The following VPS13B variants were observed in gnomAD, a reference collection of about 807,000 sequenced individuals.
VPS13B encodes the protein vacuolar protein sorting 13 homolog B, also known as intermembrane lipid transfer protein VPS13B.
VPS13B carries 285 observed loss-of-function variants against 426.4 expected under a neutral mutation model. That is an observed-to-expected ratio of 0.67 (90% CI 0.61 to 0.74). The LOEUF (loss-of-function observed/expected upper bound fraction) is 0.74, where lower values mean the gene tolerates loss of function less well. Among genes scored for constraint, VPS13B ranks in the 30% least tolerant of loss-of-function variants. The pLI is 0.00. For synonymous variants in VPS13B, 1,676 were observed against 1,676.4 expected (o/e 1.00, Z 0.01); for missense variants, 4,537 against 4,782.6 (o/e 0.95, Z 1.51).
intron 19 of VPS13B, among the ~76,000 whole-genome samples, chr8:99,328,556 G>A (rs1384356463): frequency 6.6e-6 from 1 of 152,048 alleles, no homozygotes; most frequent in African/African-American, 2.4e-5. Context: ...GTGTCTTGTA[G>A]GAGAAGATAG....
intron 20 of VPS13B, among the ~76,000 whole-genome samples, chr8:99,386,465 A>G (rs753328693): frequency 3.9e-5 from 6 of 152,148 alleles, no homozygotes; most frequent in South Asian, 2.1e-4. Context: ...GGTATAGCCT[A>G]TTGCTCCTAG....
chr8:99,051,559 C>A (rs1485856263), intron 3 of VPS13B, among the ~76,000 whole-genome samples: 1 of 152,094 alleles, frequency 6.6e-6, no homozygotes, highest in Non-Finnish European at 1.5e-5. Flanking sequence ...TTTTCCAATT[C>A]TGTGAAGAAA....
intron 23 of VPS13B, among the ~76,000 whole-genome samples, chr8:99,453,857 AC>A (rs1818322218): frequency 6.6e-6 from 1 of 152,216 alleles, no homozygotes; most frequent in Admixed American, 6.5e-5. Flanking sequence ...TGATGAACCT[AC>A]AGGGATACGT....
Position 99,121,375 on chromosome 8 carries a change from A to G in VPS13B, c.1136A>G (p.Lys379Arg). Residue 379 changes from lysine to arginine, a missense_variant, in exon 8 of 62, where the codon AAA (lysine) becomes AGA (arginine). Physicochemically the swap from Lys to Arg is conservative, Grantham distance 26. This residue lies in a region of VPS13B where 4,311 missense variants were observed against 4,474.3 expected (regional missense o/e 0.96). Coordinates refer to ENST00000357162, the MANE Select transcript of VPS13B (RefSeq NM_152564.5). ...NDPASTMHQQ[K>R]AQTLKDPIVS... ...CCTGCATCAACCATGCATCAACAAAAAGCACAGACTTTGAAGGATCCTATT... is the reference window on the plus strand; with the variant it reads ...CCTGCATCAACCATGCATCAACAAAGAGCACAGACTTTGAAGGATCCTATT... 1 of 1,614,186 alleles carries G rather than the reference A, an allele frequency of 6.2e-7. No individual in the cohort carries two copies.
rs527537613 is a variant in VPS13B, at chr8:99,828,044, A to G, written c.9330+4066A>G. Among the ~76,000 whole-genome samples the G allele has an allele frequency of 3.3e-5, 5 of 152,266 alleles. No individual in the cohort carries two copies. The East Asian group carries it at 7.7e-4, about 23-fold the overall frequency. ...TGCTAGGTGGTTCTGAGAAGAATGTATATTCTGTTGATTTGGGGTGGAGAG... is the reference window on the plus strand; with the variant it reads ...TGCTAGGTGGTTCTGAGAAGAATGTGTATTCTGTTGATTTGGGGTGGAGAG... On this transcript the variant is annotated intron_variant, in intron 51 of 61. Coordinates refer to ENST00000357162, the MANE Select transcript of VPS13B (RefSeq NM_152564.5).
chr8:99,809,435 G>C lies in VPS13B; in HGVS notation c.8002G>C (p.Asp2668His). Residue 2668 changes from aspartate (D) to histidine (H), a missense_variant, in exon 44 of 62, where the codon GAC becomes CAC. Transcript: ENST00000357162. ...GCGTTGGTCAGAGCCTTTCAGTGTGGACCATGCCGGGACTTTTATTAGAAC... is the reference window on the plus strand; with the variant it reads ...GCGTTGGTCAGAGCCTTTCAGTGTGCACCATGCCGGGACTTTTATTAGAAC... ...NWRWSEPFSV[D>H]HAGTFIRTIQ... The C allele has an allele frequency of 1.9e-6, 3 of 1,613,996 alleles. No individual in the cohort carries two copies. The highest frequency in any genetic ancestry group is 2.5e-6 in the Non-Finnish European group (3 of 1,179,962).
intron 17 of VPS13B, among the ~76,000 whole-genome samples, chr8:99,254,220 C>G (rs919269950): frequency 6.6e-6 from 1 of 152,122 alleles, no homozygotes; most frequent in Non-Finnish European, 1.5e-5. Flanking sequence ...TACTGTAGAT[C>G]TGCTTATGAC....
intron 19 of VPS13B, among the ~76,000 whole-genome samples, chr8:99,357,796 A>T (rs920721100): frequency 2.0e-5 from 3 of 152,176 alleles, no homozygotes; most frequent in African/African-American, 7.2e-5. Context: ...TGAGACAGTA[A>T]ATGTAAAATG....
In VPS13B at chr8:99,398,366, A is replaced by G. The variant is rs146866564; in HGVS notation, c.3082+6662A>G. On this transcript the variant is annotated intron_variant, in intron 21 of 61. Coordinates refer to ENST00000357162, the MANE Select transcript of VPS13B (RefSeq NM_152564.5). ...AAAGCTACATGTATATGTGTGACACAATTCCAAAGAGTTGCAAGAAGAAGG... is the reference window on the plus strand; with the variant it reads ...AAAGCTACATGTATATGTGTGACACGATTCCAAAGAGTTGCAAGAAGAAGG... 1.9e-3 allele frequency among the ~76,000 whole-genome samples: 291 copies of G among 152,350 alleles called. 3 individuals are homozygous for G. Among genetic ancestry groups the G allele is most frequent in the Non-Finnish European group, 2.9e-3 (199 of 68,026 alleles).
At chr8:99,074,010 C>T (rs747120092) in intron 3 of VPS13B, among the ~76,000 whole-genome samples, 1 of 152,144 alleles carries the variant, frequency 6.6e-6, no homozygotes, top group Non-Finnish European at 1.5e-5. Context: ...GGCTCAAGTC[C>T]TCCCACCTTG....
intron 34 of VPS13B, among the ~76,000 whole-genome samples, chr8:99,646,506 C>T (rs1208610632): frequency 6.6e-6 from 1 of 152,146 alleles, no homozygotes; most frequent in Non-Finnish European, 1.5e-5. Flanking sequence ...GCCTGGATGA[C>T]AGATTGAGAC....
At chr8:99,269,925 T>A (rs1563637997) in intron 17 of VPS13B, among the ~76,000 whole-genome samples, 2 of 151,968 alleles carry the variant, frequency 1.3e-5, no homozygotes, top group African/African-American at 4.8e-5. Context: ...AATCCCTTCC[T>A]TATAAAAATC....
chr8:99,609,087 T>C (rs1388772412), intron 33 of VPS13B, among the ~76,000 whole-genome samples: 1 of 152,160 alleles, frequency 6.6e-6, no homozygotes, highest in Non-Finnish European at 1.5e-5. Flanking sequence ...TTCTTAAAGG[T>C]TAGTTGCAAA....
At chr8:99,079,316 A>G (rs911041489) in intron 3 of VPS13B, among the ~76,000 whole-genome samples, 1 of 151,934 alleles carries the variant, frequency 6.6e-6, no homozygotes, top group Admixed American at 6.6e-5. Context: ...CAATGACAGC[A>G]GGTTGGGGCA....
intron 24 of VPS13B, among the ~76,000 whole-genome samples, chr8:99,467,865 T>C (rs748607987): frequency 5.3e-5 from 8 of 152,194 alleles, no homozygotes; most frequent in Non-Finnish European, 8.8e-5. Context: ...TTTTGGCTGA[T>C]GGAATGAAAT....
chr8:99,547,642 G>T (rs1302174040), intron 30 of VPS13B, among the ~76,000 whole-genome samples: 1 of 152,038 alleles, frequency 6.6e-6, no homozygotes, highest in East Asian at 1.9e-4. Flanking sequence ...TATGTTTCCT[G>T]TTATATACTT....
At chr8:99,443,698 T>C (rs1385400572) in intron 23 of VPS13B, among the ~76,000 whole-genome samples, 2 of 152,184 alleles carry the variant, frequency 1.3e-5, no homozygotes, top group Non-Finnish European at 2.9e-5. Flanking sequence ...ATATATCAAA[T>C]TTTTTTGATT....
At chr8:99,590,891 C>A (rs564770613) in intron 33 of VPS13B, among the ~76,000 whole-genome samples, 49 of 151,858 alleles carry the variant, frequency 3.2e-4, no homozygotes, top group Non-Finnish European at 8.8e-5. Context: ...TGGATATCCT[C>A]GTTAACCTTC....
At chr8:99,428,084 A>G (rs1816835014) in intron 21 of VPS13B, among the ~76,000 whole-genome samples, 1 of 152,248 alleles carries the variant, frequency 6.6e-6, no homozygotes, top group South Asian at 2.1e-4. Flanking sequence ...GGCTAGCCAT[A>G]TGTAGAAAGC....
Sources: gnomAD v4.1 joint callset for allele counts (sites outside exome capture counted in the v4.1 genomes callset) on GRCh38, gnomAD v4.1.1 for gene constraint, gnomAD v4.1.1 regional missense constraint, MANE v1.5 for transcripts, NCBI Gene and HGNC (gene_info 2026-07-23, HGNC 2026-07-21) for gene names.